Variants in GRIK4 observed in about 807,000 individuals in gnomAD.
GRIK4 encodes the protein glutamate ionotropic receptor kainate type subunit 4.
Under a neutral mutation model 104.9 loss-of-function variants are expected in GRIK4, and 40 were observed. The ratio of observed to expected loss-of-function variants is 0.38; its 90% confidence interval spans 0.30 to 0.50. The LOEUF (loss-of-function observed/expected upper bound fraction) is 0.50. GRIK4 is among the 20% of genes least tolerant of loss of function. The probability of loss-of-function intolerance (pLI) is 0.93; values close to 1 mark genes in which losing one functional copy is unlikely to be tolerated. For missense variants in GRIK4, 1,047 were observed against 1,308.1 expected, an observed-to-expected ratio of 0.80 and a Z score of 3.08; for synonymous variants, 485 against 524.9, an observed-to-expected ratio of 0.92 and a Z score of 1.04.
chr11:120,592,028 G>A (rs1362379932), intron 1 of GRIK4, among the ~76,000 whole-genome samples: 4 of 152,202 alleles, frequency 2.6e-5, no homozygotes, highest in African/African-American at 9.6e-5. Flanking sequence ...CAAAGCCCTA[G>A]AATGCAGGTG....
chr11:120,742,086 C>G (rs747221589), intron 3 of GRIK4, among the ~76,000 whole-genome samples: 1 of 152,164 alleles, frequency 6.6e-6, no homozygotes, highest in African/African-American at 2.4e-5. Flanking sequence ...TGGCTCATGC[C>G]TGTAATCCCA....
At chr11:120,935,724 A>G (rs1943581979) in intron 13 of GRIK4, among the ~76,000 whole-genome samples, 1 of 152,184 alleles carries the variant, frequency 6.6e-6, no homozygotes, top group Admixed American at 6.5e-5. Flanking sequence ...TGAATAAGCC[A>G]CCACCCCCAT....
intron 1 of GRIK4, among the ~76,000 whole-genome samples, chr11:120,588,770 C>T (rs780890638): frequency 3.9e-5 from 6 of 152,080 alleles, no homozygotes; most frequent in Non-Finnish European, 7.4e-5. Context: ...GTCTCCCTGG[C>T]CTCTACCCAC....
intron 19 of GRIK4, among the ~76,000 whole-genome samples, chr11:120,968,230 C>T (rs1944417375): frequency 6.6e-6 from 1 of 152,180 alleles, no homozygotes; most frequent in Non-Finnish European, 1.5e-5. Flanking sequence ...GGAACACTTA[C>T]CCTAGTTTGC....
At chr11:120,530,525 G>T (rs1291249671) in intron 1 of GRIK4, among the ~76,000 whole-genome samples, 3 of 152,212 alleles carry the variant, frequency 2.0e-5, no homozygotes, top group African/African-American at 7.2e-5. Flanking sequence ...TGAGGAGGTG[G>T]CTGTTGGCTG....
intron 11 of GRIK4, among the ~76,000 whole-genome samples, chr11:120,891,480 T>C (rs1206922604): frequency 3.3e-5 from 5 of 152,256 alleles, no homozygotes; most frequent in Non-Finnish European, 7.3e-5. Flanking sequence ...CTAAACTTGC[T>C]AAGATTCAGG....
At chr11:120,797,418 G>C (rs983901288) in intron 3 of GRIK4, among the ~76,000 whole-genome samples, 5 of 152,218 alleles carry the variant, frequency 3.3e-5, no homozygotes, top group African/African-American at 1.2e-4. Context: ...TCTTGAGCAA[G>C]CTGCTCTCCT....
intron 3 of GRIK4, among the ~76,000 whole-genome samples, chr11:120,769,383 A>G (rs961975632): frequency 1.3e-5 from 2 of 152,192 alleles, no homozygotes; most frequent in South Asian, 2.1e-4. Context: ...TGAGGCCACT[A>G]CAACTTTTAA....
At chr11:120,796,314 C>T (rs958250130) in intron 3 of GRIK4, among the ~76,000 whole-genome samples, 16 of 152,144 alleles carry the variant, frequency 1.1e-4, no homozygotes, top group Admixed American at 1.3e-4. Context: ...GGATTACAGG[C>T]GTGAGCCATC....
chr11:120,802,878 T>G, intron 4 of GRIK4, 21 bp downstream of exon 4: 1 of 1,609,660 alleles, frequency 6.2e-7, no homozygotes, highest in South Asian at 1.1e-5. Flanking sequence ...TGGGCAGGGC[T>G]GCCTCTTCCC....
chr11:120,922,973 G>A (rs969805490), intron 13 of GRIK4, among the ~76,000 whole-genome samples: 1 of 152,206 alleles, frequency 6.6e-6, no homozygotes, highest in Non-Finnish European at 1.5e-5. Context: ...GCACTGAAAG[G>A]CATTGTTGAC....
chr11:120,594,518 TG>T (rs1203500634), intron 1 of GRIK4, among the ~76,000 whole-genome samples: 1 of 152,148 alleles, frequency 6.6e-6, no homozygotes, highest in Non-Finnish European at 1.5e-5. Context: ...CGTAACTCTT[TG>T]CCATGCCTTA....
rs952625325 is a variant in GRIK4, at chr11:120,871,578, T to G, written c.907-2488T>G. ...ATTGGGTGTCCTTTGTTGCTTAGTCTTCGGGTTCCAGGAGGCTCTGGGACC... is the reference window on the plus strand; with the variant it reads ...ATTGGGTGTCCTTTGTTGCTTAGTCGTCGGGTTCCAGGAGGCTCTGGGACC... On this transcript the variant is annotated intron_variant, in intron 9 of 20. Transcript: ENST00000527524. The G allele has an allele frequency of 2.6e-5, 12 of 456,158 alleles. No individual in the cohort carries two copies. In the Admixed American group the frequency reaches 2.8e-4, roughly 11 times the overall value. 28.3% of individuals were successfully genotyped at this position (456,158 alleles called of 1,614,324 possible). A position where few individuals can be genotyped will look rare whatever the true frequency, so the allele number is the denominator to read the frequency against.
chr11:120,766,132 C>A (rs1214289250), intron 3 of GRIK4, among the ~76,000 whole-genome samples: 1 of 152,234 alleles, frequency 6.6e-6, no homozygotes, highest in Non-Finnish European at 1.5e-5. Context: ...TGCTACCTTT[C>A]TTTCAGAGAT....
chr11:120,834,650 A>T (rs1953525899), intron 7 of GRIK4, among the ~76,000 whole-genome samples: 1 of 151,994 alleles, frequency 6.6e-6, no homozygotes, highest in Non-Finnish European at 1.5e-5. Flanking sequence ...CCTCTGGGAG[A>T]CTCAGTGTGC....
chr11:120,882,849 G>A (rs979676177), intron 11 of GRIK4, among the ~76,000 whole-genome samples: 6 of 152,254 alleles, frequency 3.9e-5, no homozygotes, highest in Admixed American at 3.9e-4. Flanking sequence ...GCCCTTCTGA[G>A]GCTCTGCCCC....
chr11:120,778,252 T>C (rs1952081526), intron 3 of GRIK4, among the ~76,000 whole-genome samples: 1 of 152,246 alleles, frequency 6.6e-6, no homozygotes. Context: ...GAATAAGGAA[T>C]GTGCTTTTGA....
chr11:120,595,153 C>T (rs899974756), intron 1 of GRIK4, among the ~76,000 whole-genome samples: 1 of 152,216 alleles, frequency 6.6e-6, no homozygotes, highest in Non-Finnish European at 1.5e-5. Flanking sequence ...TATCTTTCCT[C>T]CCGCTCGCTG....
rs1487309361 is a variant in GRIK4, at chr11:120,952,945, G to A, written c.1681G>A (p.Val561Ile). 6.2e-7 allele frequency: 1 copy of A among 1,612,202 alleles called. No individual in the cohort carries two copies. Among genetic ancestry groups the A allele is most frequent in the African/African-American group, 1.3e-5 (1 of 74,772 alleles). The change falls in exon 15 of 21, where the codon GTC (valine) becomes ATC (isoleucine). Residue 561 changes from valine to isoleucine, a missense_variant. Val to Ile is a conservative substitution (Grantham distance 29). Transcript: ENST00000527524. The surrounding 1 kb of genome is among the most constrained non-coding windows in gnomAD (Gnocchi z 5.2). ...MLLAYLAVSC[V>I]LFLVARLTPY... ...TCTAGCCTATCTGGCCGTCAGCTGT[G>A]TCCTCTTCCTGGTGGCTCGGTACTC...
Sources: gnomAD v4.1 joint callset for allele counts (sites outside exome capture counted in the v4.1 genomes callset) on GRCh38, gnomAD v4.1.1 for gene constraint, Gnocchi (gnomAD v3.1) non-coding constraint, MANE v1.5 for transcripts, NCBI Gene and HGNC (gene_info 2026-07-23, HGNC 2026-07-21) for gene names.